The following GOLGA4 variants were observed in gnomAD, a reference collection of about 807,000 sequenced individuals.
The protein encoded by GOLGA4 is golgin subfamily A member 4.
Under a neutral mutation model 265.9 loss-of-function variants are expected in GOLGA4, and 169 were observed. The observed-to-expected ratio is 0.64, with a 90% CI of 0.56 to 0.72. The LOEUF (loss-of-function observed/expected upper bound fraction) is 0.72, where lower values mean the gene tolerates loss of function less well. Among genes scored for constraint, GOLGA4 ranks in the 30% least tolerant of loss-of-function variants. GOLGA4 has a pLI of 0.00. For missense variants in GOLGA4, 2,482 were observed against 2,483.4 expected (o/e 1.00, Z 0.01); for synonymous variants, 923 against 855.8 (o/e 1.08, Z -1.37).
chr3:37,251,676 T>C (rs1041292321), intron 2 of GOLGA4, among the ~76,000 whole-genome samples, 192 bp downstream of exon 2: 2 of 151,662 alleles, frequency 1.3e-5, no homozygotes, highest in African/African-American at 4.9e-5. Context: ...TCTGTCTGTC[T>C]GTCTGTATGT....
At position 37,355,187 on chromosome 3, in the gene GOLGA4, G is replaced by A. The variant is rs148417077; in HGVS notation, c.6663G>A (p.Met2221Ile). The change falls in exon 22 of 24, where the codon ATG becomes ATA. Residue 2221 changes from methionine (M) to isoleucine (I), a missense_variant and splice_region_variant. Physicochemically the swap from Met to Ile is conservative, Grantham distance 10 (BLOSUM62 1). Transcript: ENST00000361924. ...KILEREDARL[M>I]FTSPRSGIF ...TGGAAAGAGAAGATGCTCGGCTGAT[G>A]GTAAGTTCTGGAAGTGGGCTCTAGA... is the stretch of plus-strand genomic sequence containing the variant. 1.8e-3 allele frequency: 2,795 copies of A among 1,529,916 alleles called. 9 individuals carry two copies. The highest frequency in any genetic ancestry group is 3.2e-3 in the Middle Eastern group (19 of 5,888). The allele number at this position is 1,529,916 out of a possible 1,614,324, so 94.8% of individuals were successfully genotyped here.
At chr3:37,263,871 T>A (rs967476527) in intron 2 of GOLGA4, among the ~76,000 whole-genome samples, 2 of 152,222 alleles carry the variant, frequency 1.3e-5, no homozygotes, top group East Asian at 3.8e-4. Context: ...CTTAGCAGAA[T>A]TGCAGCAGAA....
chr3:37,354,960 C>G lies in GOLGA4; in HGVS notation c.6577-141C>G, dbSNP rs572308807. On this transcript the variant is annotated intron_variant, in intron 21 of 23. Coordinates refer to ENST00000361924, the MANE Select transcript of GOLGA4 (RefSeq NM_002078.5). ...AATTCTAGTGTTGTTATTTCCTTGA[C>G]TAATACCTTCACATCATACTTCTTT... is the stretch of plus-strand genomic sequence containing the variant. 6.5e-5 allele frequency: 37 copies of G among 564,900 alleles called. No homozygotes were observed. In the African/African-American group the frequency reaches 7.0e-4, roughly 11 times the overall value. 35.0% of individuals were successfully genotyped at this position (564,900 alleles called of 1,614,324 possible).
intron 10 of GOLGA4, among the ~76,000 whole-genome samples, chr3:37,314,751 C>A (rs2096932961): frequency 6.6e-6 from 1 of 151,926 alleles, no homozygotes. Context: ...TTATCTTACC[C>A]AAAAACTCCC....
rs1451888314 is a variant in GOLGA4, at chr3:37,355,168, G to A, written c.6644G>A (p.Arg2215Lys). ...PDDQTQKILE[R>K]EDARLMFTSP... ...GATCAGACTCAGAAAATTTTGGAAA[G>A]AGAAGATGCTCGGCTGATGGTAAGT... is the stretch of plus-strand genomic sequence containing the variant. The change falls in exon 22 of 24, where the codon AGA becomes AAA. Residue 2215 changes from arginine (R) to lysine (K), a missense_variant. Transcript: ENST00000361924. 6.3e-7 allele frequency: 1 copy of A among 1,595,122 alleles called. No homozygotes were observed. The highest frequency in any genetic ancestry group is 8.6e-7 in the Non-Finnish European group (1 of 1,162,964).
At chr3:37,285,153 CT>C (rs542285622) in intron 3 of GOLGA4, among the ~76,000 whole-genome samples, 1,965 of 127,640 alleles carry the variant, frequency 0.015, 21 homozygotes, top group South Asian at 0.051. Context: ...AGATGAGTAA[CT>C]TTTTTTTTTT....
rs1423079645 is a variant in GOLGA4 at position 37,324,510 on chromosome 3, G to T, written c.2624G>T (p.Ser875Ile). Residue 875 changes from serine to isoleucine, a missense_variant, in exon 14 of 24, where the codon AGT becomes ATT. Ser to Ile is a moderately radical substitution (Grantham distance 142). Transcript: ENST00000361924. The part of the protein sequence containing the change: ...DLMQQLEKQN[S>I]EMEQKVKSLT... ...ATGCAGCAACTTGAAAAACAAAATA[G>T]TGAAATGGAGCAAAAAGTAAAATCT... 1.2e-6 allele frequency: 2 copies of T among 1,613,872 alleles called. No individual in the cohort carries two copies. Among genetic ancestry groups the T allele is most frequent in the Admixed American group, 1.7e-5 (1 of 59,958 alleles).
intron 19 of GOLGA4, 125 bp downstream of exon 19, chr3:37,337,859 C>A: frequency 1.6e-6 from 1 of 619,890 alleles, no homozygotes; most frequent in Non-Finnish European, 2.9e-6. Context: ...AATTTTATTT[C>A]CAAATCCAAA....
At chr3:37,261,367 A>G (rs1415974967) in intron 2 of GOLGA4, among the ~76,000 whole-genome samples, 1 of 152,200 alleles carries the variant, frequency 6.6e-6, no homozygotes, top group East Asian at 1.9e-4. Context: ...TGAGACATGT[A>G]TCTGAGTTCA....
chr3:37,282,280 CA>C lies in GOLGA4; in HGVS notation c.477+9del. On this transcript the variant is annotated intron_variant, in intron 3 of 23. Transcript: ENST00000361924. ...AGGGGAAAATATTCTGAGGTAGGAG[CA>C]TGACCTTTTTGCCTGTACAAAAATT... 1 of 1,607,926 alleles carries C rather than the reference CA, an allele frequency of 6.2e-7. No homozygotes were observed. Among genetic ancestry groups the C allele is most frequent in the Non-Finnish European group, 8.5e-7 (1 of 1,175,472 alleles).
chr3:37,330,452 C>G (rs1337597286), intron 16 of GOLGA4, among the ~76,000 whole-genome samples: 2 of 152,054 alleles, frequency 1.3e-5, no homozygotes, highest in African/African-American at 4.8e-5. Context: ...ATTTCTTTGT[C>G]TCGGGATGTG....
At chr3:37,331,694 T>G (rs186881231) in intron 16 of GOLGA4, among the ~76,000 whole-genome samples, 99 of 152,326 alleles carry the variant, frequency 6.5e-4, no homozygotes, top group African/African-American at 2.2e-3. Flanking sequence ...AATTATGTGA[T>G]TTGTTAATAG....
At chr3:37,350,045 A>G (rs2097068995) in intron 21 of GOLGA4, among the ~76,000 whole-genome samples, 1 of 152,122 alleles carries the variant, frequency 6.6e-6, no homozygotes, top group South Asian at 2.1e-4. Flanking sequence ...CTCCTTTTCA[A>G]CATAAAGTGT....
chr3:37,354,059 TG>T (rs142529024), intron 21 of GOLGA4, among the ~76,000 whole-genome samples: 156 of 152,254 alleles, frequency 1.0e-3, no homozygotes, highest in African/African-American at 3.2e-3. Context: ...CTAGACTTAG[TG>T]TATATAATAG....
rs1475840164 is a variant in GOLGA4 at position 37,328,399 on chromosome 3, A to T, written c.5940-17A>T. On this transcript the variant is annotated splice_polypyrimidine_tract_variant and intron_variant, in intron 14 of 23. Coordinates refer to ENST00000361924, the MANE Select transcript of GOLGA4 (RefSeq NM_002078.5). ...TCTTTGTGTGGCAGCAGTTAACGGTACATTTTTATTACTCAGACAGGAGCA... is the reference window on the plus strand; with the variant it reads ...TCTTTGTGTGGCAGCAGTTAACGGTTCATTTTTATTACTCAGACAGGAGCA... 5 of 1,607,688 alleles carry T rather than the reference A, an allele frequency of 3.1e-6. No individual in the cohort carries two copies. The highest frequency in any genetic ancestry group is 1.3e-5 in the African/African-American group (1 of 74,570).
intron 23 of GOLGA4, among the ~76,000 whole-genome samples, chr3:37,362,260 G>A (rs1288882800): frequency 2.1e-5 from 3 of 139,926 alleles, no homozygotes; most frequent in South Asian, 2.2e-4. Flanking sequence ...TTTTTGAGAC[G>A]GAGTCTCGCT....
At chr3:37,337,356 G>A (rs771722577) in intron 18 of GOLGA4, among the ~76,000 whole-genome samples, 193 bp downstream of exon 18, 25 of 151,628 alleles carry the variant, frequency 1.6e-4, no homozygotes, top group Non-Finnish European at 3.4e-4. Context: ...GTGCCACCAC[G>A]CCCGGCCAAT....
chr3:37,302,393 C>T, intron 10 of GOLGA4, 61 bp downstream of exon 10: 1 of 1,410,070 alleles, frequency 7.1e-7, no homozygotes, highest in African/African-American at 1.5e-5. Flanking sequence ...AAGTGCTTGA[C>T]CAGTATTTTT....
intron 18 of GOLGA4, among the ~76,000 whole-genome samples, chr3:37,337,437 C>G (rs1457440967): frequency 1.3e-5 from 2 of 152,066 alleles, no homozygotes; most frequent in African/African-American, 4.8e-5. Flanking sequence ...TCTCAAACTC[C>G]TGAGCTCAGG....
Sources: allele counts gnomAD v4.1 joint callset (sites outside exome capture counted in the v4.1 genomes callset), GRCh38; gene constraint gnomAD v4.1.1; transcripts MANE v1.5; gene names NCBI Gene and HGNC (gene_info 2026-07-23, HGNC 2026-07-21).